The following PIP5K1C variants were observed in gnomAD, a reference collection of about 807,000 sequenced individuals.
PIP5K1C encodes the protein phosphatidylinositol-4-phosphate 5-kinase type 1 gamma, also known as phosphatidylinositol 4-phosphate 5-kinase type-1 gamma.
Under a neutral mutation model 80.1 loss-of-function variants are expected in PIP5K1C, and 45 were observed. The ratio of observed to expected loss-of-function variants is 0.56; its 90% CI spans 0.44 to 0.72. PIP5K1C has a LOEUF of 0.72. PIP5K1C is among the 30% of genes least tolerant of loss of function. The pLI is 0.00. For missense variants in PIP5K1C, 753 were observed against 954.6 expected (o/e 0.79, Z 2.78); for synonymous variants, 498 against 420.1 (o/e 1.19, Z -2.27).
At chr19:3,684,959 G>A (rs1164872512) in intron 1 of PIP5K1C, among the ~76,000 whole-genome samples, 2 of 152,132 alleles carry the variant, frequency 1.3e-5, no homozygotes, top group African/African-American at 4.8e-5. Flanking sequence ...GATGGGGGAG[G>A]GTCTCTTAAT....
chr19:3,685,424 C>G (rs1331765674), intron 1 of PIP5K1C, among the ~76,000 whole-genome samples: 1 of 152,174 alleles, frequency 6.6e-6, no homozygotes, highest in Non-Finnish European at 1.5e-5. Flanking sequence ...GGGCCGAACA[C>G]AGCCCACTAA....
rs2035857634 is a variant in PIP5K1C at position 3,688,894 on chromosome 19, T to C, written c.94+11403A>G. ...ATGCCCCCGGTCCCCCTTCCAGCCT[T>C]GTCCCCAACACAGCCTGCAAATGGG... On this transcript the variant is annotated intron_variant, in intron 1 of 17. Transcript: ENST00000335312. This position sits in a 1 kb window ranked among gnomAD's most constrained non-coding sequence, Gnocchi z 5.3. Among the ~76,000 whole-genome samples the C allele has an allele frequency of 6.7e-6, 1 of 149,096 alleles. No individual in the cohort carries two copies. Among genetic ancestry groups the C allele is most frequent in the Admixed American group, 6.7e-5 (1 of 14,934 alleles).
intron 16 of PIP5K1C, among the ~76,000 whole-genome samples, chr19:3,638,387 C>T (rs2033796181): frequency 2.0e-5 from 3 of 152,118 alleles, no homozygotes; most frequent in South Asian, 2.1e-4. Flanking sequence ...ACTGCCCGGT[C>T]CCCCGGCCCT....
chr19:3,672,355 C>A (rs962941139), intron 1 of PIP5K1C, among the ~76,000 whole-genome samples: 7 of 152,360 alleles, frequency 4.6e-5, no homozygotes, highest in Admixed American at 2.0e-4. Context: ...CCACTGACAC[C>A]GCCCCATCCT....
chr19:3,698,377 G>T (rs1009285402), intron 1 of PIP5K1C, among the ~76,000 whole-genome samples: 4 of 152,216 alleles, frequency 2.6e-5, no homozygotes, highest in African/African-American at 9.7e-5. Context: ...GGGGGACATC[G>T]GCGGGACCAA....
chr19:3,654,324 G>A (rs2034548344), intron 6 of PIP5K1C, among the ~76,000 whole-genome samples: 1 of 152,220 alleles, frequency 6.6e-6, no homozygotes, highest in Admixed American at 6.5e-5. Flanking sequence ...AGCGCCCCCT[G>A]CCCAGAGCCT....
intron 1 of PIP5K1C, chr19:3,668,551 C>A (rs913554306): frequency 6.6e-6 from 1 of 152,236 alleles, no homozygotes; most frequent in Non-Finnish European, 1.5e-5. Flanking sequence ...CAGCCCTGCC[C>A]ACAGCTTGAC....
chr19:3,667,332 G>A lies in PIP5K1C; in HGVS notation c.116C>T (p.Ala39Val), dbSNP rs765916212. The A allele has an allele frequency of 6.2e-7, 1 of 1,612,924 alleles. No individual in the cohort carries two copies. The highest frequency in any genetic ancestry group is 1.1e-5 in the South Asian group (1 of 91,068). ...GCTCCAGACACTCACCTCTGTTGGG[G>A]CCGCCTTCTTCTGAGCCAAACCTGC... is the stretch of plus-strand genomic sequence containing the variant. The part of the protein sequence containing the change: ...AAAGLAQKKA[A>V]PTEVLSMTAQ... Residue 39 changes from alanine (A) to valine (V), a missense_variant, in exon 2 of 18, where the codon GCC (alanine) becomes GTC (valine). By Grantham distance (64) the Ala-to-Val change is moderately conservative (BLOSUM62 0). This residue lies in a region of PIP5K1C where 78 missense variants were observed against 67.1 expected (regional missense o/e 1.16). Transcript: ENST00000335312.
At position 3,637,268 on chromosome 19, in the gene PIP5K1C, T is replaced by A; in HGVS notation, c.1920+1616A>T. The A allele has an allele frequency of 2.0e-6, 3 of 1,471,588 alleles. No homozygotes were observed. Among genetic ancestry groups the A allele is most frequent in the Non-Finnish European group, 2.7e-6 (3 of 1,113,394 alleles). 91.2% of individuals were successfully genotyped at this position (1,471,588 alleles called of 1,614,324 possible). A position where few individuals can be genotyped will look rare whatever the true frequency, so the allele number is the denominator to read the frequency against. On this transcript the variant is annotated intron_variant, in intron 16 of 17. Coordinates refer to ENST00000335312, the MANE Select transcript of PIP5K1C (RefSeq NM_012398.3). This position sits in a 1 kb window ranked among gnomAD's most constrained non-coding sequence, Gnocchi z 7.0. ...TCTGGCCGGGGTCCGAAGCAGACCC[T>A]GGGCCTCAGCTGTGCACCTGGTGAT... is the stretch of plus-strand genomic sequence containing the variant.
Position 3,637,420 on chromosome 19 carries a change from C to T in PIP5K1C, c.1920+1464G>A. 6.5e-7 allele frequency: 1 copy of T among 1,535,614 alleles called. No individual in the cohort carries two copies. The highest frequency in any genetic ancestry group is 8.7e-7 in the Non-Finnish European group (1 of 1,146,792). On this transcript the variant is annotated intron_variant, in intron 16 of 17. Transcript: ENST00000335312. This position sits in a 1 kb window ranked among gnomAD's most constrained non-coding sequence, Gnocchi z 7.0. ...AATTGCAGCCGTGATTTACCCAAAG[C>T]CCTTCTGGAAAACAACTGACGTCAG...
At chr19:3,678,441 G>A (rs1446665529) in intron 1 of PIP5K1C, among the ~76,000 whole-genome samples, 3 of 128,364 alleles carry the variant, frequency 2.3e-5, no homozygotes, top group Admixed American at 2.3e-4. Flanking sequence ...GGAGGATGGA[G>A]AGATGGAGGA....
chr19:3,636,404 C>T (rs1441490841), intron 16 of PIP5K1C: 1 of 985,356 alleles, frequency 1.0e-6, no homozygotes, highest in East Asian at 1.1e-4. Context: ...ACTTCCGCTT[C>T]TGCTGTGCCT....
Position 3,700,265 on chromosome 19 carries a change from C to T in PIP5K1C, c.94+32G>A, listed in dbSNP as rs1466057435. 6 of 1,164,128 alleles carry T rather than the reference C, an allele frequency of 5.2e-6. No individual in the cohort carries two copies. In the South Asian group the frequency reaches 6.8e-5, roughly 13 times the overall value. The allele number at this position is 1,164,128 out of a possible 1,614,324, so 72.1% of individuals were successfully genotyped here. ...ACTCTCGGCGCTCGGACGAGCCCAG[C>T]GGGCCGCAGCCCCGGGAGGCCGGGC... On this transcript the variant is annotated intron_variant, in intron 1 of 17. Coordinates refer to ENST00000335312, the MANE Select transcript of PIP5K1C (RefSeq NM_012398.3).
rs369268485 is a variant in PIP5K1C at position 3,674,827 on chromosome 19, G to A, written c.95-7474C>T. 1.2e-4 allele frequency among the ~76,000 whole-genome samples: 18 copies of A among 152,326 alleles called. No homozygotes were observed. In the East Asian group the frequency reaches 2.5e-3, roughly 21 times the overall value. On this transcript the variant is annotated intron_variant, in intron 1 of 17. Coordinates refer to ENST00000335312, the MANE Select transcript of PIP5K1C (RefSeq NM_012398.3). ...ATCTGTGGACTTCTTTGGAACAGGA[G>A]GAGTTACAGTTTTTAATTCCTTTGT...
intron 15 of PIP5K1C, among the ~76,000 whole-genome samples, chr19:3,640,533 C>G (rs549702819): frequency 6.6e-6 from 1 of 152,206 alleles, no homozygotes; most frequent in African/African-American, 2.4e-5. Context: ...ATAATAATAA[C>G]AGCAGCTGAC....
rs759652083 is a variant in PIP5K1C, at chr19:3,651,825, C to CG, written c.1127dup (p.Met377AspfsTer106). 1 of 1,610,992 alleles carries CG rather than the reference C, an allele frequency of 6.2e-7. No homozygotes were observed. Among genetic ancestry groups the CG allele is most frequent in the East Asian group, 2.2e-5 (1 of 44,858 alleles). On this transcript the variant is annotated frameshift_variant and splice_region_variant. Coordinates refer to ENST00000335312, the MANE Select transcript of PIP5K1C (RefSeq NM_012398.3). LOFTEE classifies it high-confidence loss of function. ...GGTCCGGCGGCCCCCCGCCCACCTA[C>CG]GTGTCATCCGATTCGATGGCCTCCC...
intron 5 of PIP5K1C, 64 bp downstream of exon 5, chr19:3,660,902 C>G: frequency 7.5e-7 from 1 of 1,335,460 alleles, no homozygotes; most frequent in South Asian, 1.2e-5. Flanking sequence ...GACCCACAGA[C>G]CCTCCGAGAC....
intron 1 of PIP5K1C, among the ~76,000 whole-genome samples, chr19:3,694,496 G>C (rs10420356): frequency 0.41 from 62,897 of 152,074 alleles, 14,321 homozygotes; most frequent in African/African-American, 0.61. Flanking sequence ...CCCCTCGTCT[G>C]CCTCCAGGCA....
In PIP5K1C at chr19:3,648,671, G is replaced by A. The variant is rs749055622; in HGVS notation, c.1165C>T (p.Arg389Trp). The A allele has an allele frequency of 5.0e-6, 8 of 1,613,002 alleles. No individual in the cohort carries two copies. The highest frequency in any genetic ancestry group is 3.3e-5 in the Admixed American group (2 of 60,022). The change falls in exon 9 of 18, where the codon CGG becomes TGG. Residue 389 changes from arginine (R) to tryptophan (W), a missense_variant. Transcript: ENST00000335312. This position sits in a 1 kb window ranked among gnomAD's most constrained non-coding sequence, Gnocchi z 4.3. ...ATGATGCCAATGTGCAGCAGCAGCCGCTCCCCGCGGCCGTTCACAGCGGGG... is the reference window on the plus strand; with the variant it reads ...ATGATGCCAATGTGCAGCAGCAGCCACTCCCCGCGGCCGTTCACAGCGGGG... ...GIPAVNGRGE[R>W]LLLHIGIIDI...
Sources: gnomAD v4.1 joint callset for allele counts (sites outside exome capture counted in the v4.1 genomes callset) on GRCh38, gnomAD v4.1.1 for gene constraint, gnomAD v4.1.1 regional missense constraint, Gnocchi (gnomAD v3.1) non-coding constraint, MANE v1.5 for transcripts, NCBI Gene and HGNC (gene_info 2026-07-23, HGNC 2026-07-21) for gene names.